Variants in KIAA0319L observed in about 807,000 individuals in gnomAD.
KIAA0319L encodes the protein KIAA0319 like.
In KIAA0319L, 55 loss-of-function variants were observed where a neutral mutation model predicts 120.1. The observed-to-expected ratio is 0.46, with a 90% CI of 0.37 to 0.57. The LOEUF is 0.57. Ranked by LOEUF, KIAA0319L falls within the 20% of genes least tolerant of loss-of-function variation. The pLI, the probability that KIAA0319L is intolerant of heterozygous loss-of-function variation, is 0.00. For synonymous variants in KIAA0319L, 398 were observed against 471.9 expected (o/e 0.84, Z 2.03); for missense variants, 1,049 against 1,255.3 (o/e 0.84, Z 2.48).
intron 2 of KIAA0319L, among the ~76,000 whole-genome samples, chr1:35,508,542 C>T (rs1558527339): frequency 6.6e-6 from 1 of 152,072 alleles, no homozygotes; most frequent in Non-Finnish European, 1.5e-5. Context: ...AGCACTGGCA[C>T]CAACCTAACA....
intron 2 of KIAA0319L, among the ~76,000 whole-genome samples, chr1:35,513,284 ATATATTTTTT>A (rs1441752444): frequency 9.7e-6 from 1 of 103,232 alleles, no homozygotes; most frequent in Admixed American, 1.1e-4. Flanking sequence ...ATATATATAT[ATATATTTTTT>A]TTTTTTTTTT....
intron 3 of KIAA0319L, among the ~76,000 whole-genome samples, chr1:35,484,800 ATATATATTTTT>A (rs1466386909): frequency 1.1e-3 from 18 of 16,884 alleles, no homozygotes; most frequent in African/African-American, 4.9e-3. Context: ...ATATATATAT[ATATATATTTTT>A]TTTTTTATTA....
At chr1:35,447,996 A>G (rs912271845) in intron 16 of KIAA0319L, among the ~76,000 whole-genome samples, 177 bp downstream of exon 16, 9 of 152,228 alleles carry the variant, frequency 5.9e-5, no homozygotes, top group African/African-American at 1.7e-4. Context: ...TGAAGTGTCT[A>G]GTACAGCGCA....
At chr1:35,513,290 T>A (rs12732116) in intron 2 of KIAA0319L, among the ~76,000 whole-genome samples, 2,284 of 72,408 alleles carry the variant, frequency 0.032, 15 homozygotes, top group East Asian at 0.16. Context: ...ATATATATAT[T>A]TTTTTTTTTT....
chr1:35,555,200 C>A (rs1330550929), intron 1 of KIAA0319L, among the ~76,000 whole-genome samples: 1 of 152,172 alleles, frequency 6.6e-6, no homozygotes, highest in East Asian at 1.9e-4. Flanking sequence ...CCATAAATTT[C>A]TCCCCTCATA....
chr1:35,517,418 G>A lies in KIAA0319L; in HGVS notation c.143-10283C>T, dbSNP rs114714398. 4.3e-3 allele frequency among the ~76,000 whole-genome samples: 652 copies of A among 152,124 alleles called. 3 individuals carry two copies. Among genetic ancestry groups the A allele is most frequent in the African/African-American group, 0.013 (535 of 41,496 alleles). ...CCCAGAAACAAAGCCACACACCTAC[G>A]AACATCTGAGTTTTGACAAAGCTGA... On this transcript the variant is annotated intron_variant, in intron 2 of 20. Transcript: ENST00000325722.
chr1:35,493,907 G>GA (rs1235955700), intron 3 of KIAA0319L, among the ~76,000 whole-genome samples: 9 of 151,958 alleles, frequency 5.9e-5, no homozygotes, highest in Non-Finnish European at 1.2e-4. Flanking sequence ...ACGTCACTGA[G>GA]AAAAATTATA....
At chr1:35,513,271 T>C (rs1393912068) in intron 2 of KIAA0319L, among the ~76,000 whole-genome samples, 3 of 90,742 alleles carry the variant, frequency 3.3e-5, no homozygotes, top group South Asian at 3.9e-4. Context: ...ATATAACATA[T>C]ATATATATAT....
chr1:35,508,447 C>G (rs12067425), intron 2 of KIAA0319L, among the ~76,000 whole-genome samples: 2 of 151,996 alleles, frequency 1.3e-5, no homozygotes, highest in Non-Finnish European at 2.9e-5. Context: ...AAATGTCCAA[C>G]GGACTAAATG....
At chr1:35,525,377 G>A (rs1225915701) in intron 2 of KIAA0319L, among the ~76,000 whole-genome samples, 1 of 152,144 alleles carries the variant, frequency 6.6e-6, no homozygotes, top group Non-Finnish European at 1.5e-5. Flanking sequence ...TAGTGGGACT[G>A]CTGGATCATA....
At chr1:35,557,016 G>A (rs1316077577) in intron 1 of KIAA0319L, 191 bp downstream of exon 1, 1 of 152,554 alleles carries the variant, frequency 6.6e-6, no homozygotes, top group Admixed American at 6.5e-5. Flanking sequence ...CCCGAGAGAA[G>A]CGGGGTTCAG....
At chr1:35,501,342 T>C (rs903764586) in intron 3 of KIAA0319L, among the ~76,000 whole-genome samples, 14 of 152,300 alleles carry the variant, frequency 9.2e-5, no homozygotes, top group African/African-American at 3.4e-4. Flanking sequence ...AATTATCCTA[T>C]AGTATGCTGG....
chr1:35,484,797 TATATATATA>T (rs202208855), intron 3 of KIAA0319L, among the ~76,000 whole-genome samples: 974 of 65,168 alleles, frequency 0.015, 32 homozygotes, highest in African/African-American at 0.023. Flanking sequence ...TATATATATA[TATATATATA>T]TTTTTTTTTT....
chr1:35,520,378 A>G (rs1645862505), intron 2 of KIAA0319L, among the ~76,000 whole-genome samples: 1 of 151,998 alleles, frequency 6.6e-6, no homozygotes, highest in Non-Finnish European at 1.5e-5. Flanking sequence ...GATTACAGGC[A>G]TAAGCCACTG....
chr1:35,461,924 C>A (rs1457184418), intron 8 of KIAA0319L, among the ~76,000 whole-genome samples: 2 of 152,106 alleles, frequency 1.3e-5, no homozygotes, highest in Non-Finnish European at 2.9e-5. Flanking sequence ...TCCCAAAAAC[C>A]ATCGCTGGTG....
chr1:35,533,291 G>A (rs1272942572), intron 2 of KIAA0319L: 2 of 152,054 alleles, frequency 1.3e-5, no homozygotes, highest in African/African-American at 2.4e-5. Context: ...TTAGTGTCCA[G>A]AAATGTAAAT....
At chr1:35,549,214 A>T (rs1022665409) in intron 2 of KIAA0319L, among the ~76,000 whole-genome samples, 3 of 151,360 alleles carry the variant, frequency 2.0e-5, no homozygotes, top group Admixed American at 1.3e-4. Flanking sequence ...CCACCAGCTA[A>T]TTTTTTTTAT....
intron 2 of KIAA0319L, among the ~76,000 whole-genome samples, chr1:35,508,624 C>A (rs183219733): frequency 6.6e-6 from 1 of 151,394 alleles, no homozygotes; most frequent in Non-Finnish European, 1.5e-5. Context: ...ATACCAACTA[C>A]GAAAAAAAAA....
chr1:35,462,775 G>C lies in KIAA0319L; in HGVS notation c.1202-62C>G, dbSNP rs1642987954. 9.7e-6 allele frequency: 12 copies of C among 1,240,794 alleles called. No homozygotes were observed. In the South Asian group the frequency reaches 1.5e-4, roughly 15 times the overall value. The allele number at this position is 1,240,794 out of a possible 1,614,324, so 76.9% of individuals were successfully genotyped here. ...GCTTCAGAAATTACAGGAGCAGGCT[G>C]TATCTGAGAGGATTATAAATCAATT... On this transcript the variant is annotated intron_variant, in intron 7 of 20. Coordinates refer to ENST00000325722, the MANE Select transcript of KIAA0319L (RefSeq NM_024874.5).
Sources: gnomAD v4.1 joint callset for allele counts (sites outside exome capture counted in the v4.1 genomes callset) on GRCh38, gnomAD v4.1.1 for gene constraint, MANE v1.5 for transcripts, NCBI Gene and HGNC (gene_info 2026-07-23, HGNC 2026-07-21) for gene names.